The following LRRCC1 variants were observed in gnomAD, a reference collection of about 807,000 sequenced individuals.
The protein encoded by LRRCC1 is leucine-rich repeat and coiled-coil domain-containing protein 1.
Under a neutral mutation model 126.0 loss-of-function variants are expected in LRRCC1, and 115 were observed. The observed-to-expected ratio is 0.91, with a 90% CI of 0.78 to 1.07. The LOEUF (loss-of-function observed/expected upper bound fraction) is 1.07, where lower values mean the gene tolerates loss of function less well. LRRCC1 is among the 50% of genes least tolerant of loss of function. The pLI, the probability that LRRCC1 is intolerant of heterozygous loss-of-function variation, is 0.00. For missense variants in LRRCC1, 1,172 were observed against 1,175.7 expected, an observed-to-expected ratio of 1.00 and a Z score of 0.05; for synonymous variants, 400 against 393.4, an observed-to-expected ratio of 1.02 and a Z score of -0.20.
chr8:85,123,295 C>A, intron 6 of LRRCC1, 118 bp from the exon 7 acceptor site: 1 of 672,164 alleles, frequency 1.5e-6, no homozygotes, highest in African/African-American at 1.9e-5. Flanking sequence ...TAATATCAAA[C>A]ATTTCTAGTT....
intron 17 of LRRCC1, among the ~76,000 whole-genome samples, chr8:85,140,638 C>T (rs145214167): frequency 5.3e-5 from 8 of 152,266 alleles, no homozygotes; most frequent in Non-Finnish European, 1.2e-4. Flanking sequence ...GTCCACTAAG[C>T]ATTACCATAA....
At chr8:85,126,628 T>G in intron 8 of LRRCC1, 61 bp from the exon 9 acceptor site, 2 of 1,423,494 alleles carry the variant, frequency 1.4e-6, no homozygotes, top group Non-Finnish European at 1.9e-6. Context: ...ATGGGAAAAT[T>G]GAGGCTGTGA....
intron 17 of LRRCC1, among the ~76,000 whole-genome samples, chr8:85,140,792 G>T (rs1335160486): frequency 6.6e-6 from 1 of 152,148 alleles, no homozygotes; most frequent in East Asian, 1.9e-4. Context: ...AAGCCAAATG[G>T]TGGCTCACCT....
In LRRCC1 at chr8:85,141,528, T is replaced by G. The variant is rs1243243700; in HGVS notation, c.2976+11T>G. The G allele has an allele frequency of 2.5e-6, 4 of 1,579,734 alleles. No homozygotes were observed. Among genetic ancestry groups the G allele is most frequent in the Admixed American group, 3.5e-5 (2 of 56,818 alleles). ...TCTGCAAATTTAAAGGTATTGTAAGTAAAATTCACTTCAATAATCAGTATA... is the reference window on the plus strand; with the variant it reads ...TCTGCAAATTTAAAGGTATTGTAAGGAAAATTCACTTCAATAATCAGTATA... On this transcript the variant is annotated intron_variant, in intron 18 of 18. Transcript: ENST00000360375.
chr8:85,111,313 G>A (rs1444174096), intron 3 of LRRCC1, among the ~76,000 whole-genome samples: 1 of 152,202 alleles, frequency 6.6e-6, no homozygotes, highest in Non-Finnish European at 1.5e-5. Flanking sequence ...GGAGGCAGAG[G>A]TTGCAGTGAG....
chr8:85,139,835 A>G (rs1811141916), intron 17 of LRRCC1, among the ~76,000 whole-genome samples: 1 of 152,218 alleles, frequency 6.6e-6, no homozygotes, highest in Non-Finnish European at 1.5e-5. Context: ...ATTATGTCAA[A>G]TCTAATGTAA....
chr8:85,118,222 A>G (rs1809267564), intron 6 of LRRCC1, among the ~76,000 whole-genome samples: 1 of 151,980 alleles, frequency 6.6e-6, no homozygotes, highest in Non-Finnish European at 1.5e-5. Context: ...TCTTATTTCT[A>G]TGTAGTATGC....
At chr8:85,144,928 AAGTT>A (rs1016022051) in intron 18 of LRRCC1, among the ~76,000 whole-genome samples, 3 of 149,650 alleles carry the variant, frequency 2.0e-5, no homozygotes, top group African/African-American at 7.3e-5. Flanking sequence ...AAAAATAAAA[AAGTT>A]AGCCGGGCAT....
At chr8:85,130,172 G>C (rs2135971671) in intron 11 of LRRCC1, 114 bp downstream of exon 11, 1 of 758,094 alleles carries the variant, frequency 1.3e-6, no homozygotes. Flanking sequence ...GTCTTGCTCT[G>C]TCGTCCAGGC....
At chr8:85,134,784 C>T in intron 12 of LRRCC1, 63 bp from the exon 13 acceptor site, 4 of 1,084,430 alleles carry the variant, frequency 3.7e-6, no homozygotes, top group South Asian at 1.7e-5. Context: ...ATACTATTTC[C>T]AGAAGCAAAT....
intron 18 of LRRCC1, among the ~76,000 whole-genome samples, chr8:85,143,582 T>TCCCCAGGGATCACAGG (rs1811418953): frequency 6.6e-6 from 1 of 152,052 alleles, no homozygotes; most frequent in African/African-American, 2.4e-5. Context: ...GGGACTATGG[T>TCCCCAGGGATCACAGG]GAGCTGTGAT....
chr8:85,138,283 G>A (rs745452160), intron 16 of LRRCC1, 40 bp downstream of exon 16: 13 of 1,578,776 alleles, frequency 8.2e-6, no homozygotes, highest in Non-Finnish European at 9.5e-6. Context: ...GAAATAAAAT[G>A]TGGCTTAATA....
chr8:85,141,636 A>G (rs1050572978), intron 18 of LRRCC1, 119 bp downstream of exon 18: 9 of 724,344 alleles, frequency 1.2e-5, no homozygotes, highest in Non-Finnish European at 1.1e-5. Flanking sequence ...AAATAGATAT[A>G]AAGAATGTTA....
rs1000758115 is a variant in LRRCC1 at position 85,126,693 on chromosome 8, T to C, written c.1277T>C (p.Leu426Pro). 6.2e-7 allele frequency: 1 copy of C among 1,610,036 alleles called. No homozygotes were observed. The highest frequency in any genetic ancestry group is 1.7e-5 in the Admixed American group (1 of 59,170). ...AACTTTGTTGTTTTCTTTCAGTCCCTTGTTGAACAGCTAGACCAAGAGAGA... is the reference window on the plus strand; with the variant it reads ...AACTTTGTTGTTTTCTTTCAGTCCCCTGTTGAACAGCTAGACCAAGAGAGA... ...SHSEDNTYQS[L>P]VEQLDQEREK... is the part of the protein sequence containing the mutation. The change falls in exon 9 of 19, where the codon CTT (leucine) becomes CCT (proline). Residue 426 changes from leucine (L) to proline (P), a missense_variant. Transcript: ENST00000360375.
At chr8:85,131,429 C>G (rs899709380) in intron 11 of LRRCC1, among the ~76,000 whole-genome samples, 2 of 152,190 alleles carry the variant, frequency 1.3e-5, no homozygotes, top group Non-Finnish European at 2.9e-5. Flanking sequence ...GTATTTATTG[C>G]AAGTCAAAGA....
intron 18 of LRRCC1, among the ~76,000 whole-genome samples, chr8:85,144,397 T>G: frequency 8.9e-6 from 1 of 112,610 alleles, no homozygotes; most frequent in Non-Finnish European, 1.8e-5. Context: ...TAAAATAGAG[T>G]TAAAATGTGT....
chr8:85,145,615 C>G lies in LRRCC1; in HGVS notation c.*104C>G. On this transcript the variant is annotated 3_prime_UTR_variant, in exon 19 of 19. Transcript: ENST00000360375. The stretch of plus-strand genomic sequence containing the variant: ...TGCTATGACTTTGAAATGTCTCTTT[C>G]TATACATTTCATTATGAATATATTT... The G allele has an allele frequency of 4.7e-6, 4 of 851,208 alleles. 1 individual carries two copies. The highest frequency in any genetic ancestry group is 1.7e-6 in the Non-Finnish European group (1 of 575,344). The allele number at this position is 851,208 out of a possible 1,614,324, so 52.7% of individuals were successfully genotyped here.
chr8:85,132,644 C>T (rs578051500), intron 12 of LRRCC1, among the ~76,000 whole-genome samples: 12 of 152,262 alleles, frequency 7.9e-5, no homozygotes, highest in Middle Eastern at 6.8e-3. Context: ...CCGCCTGCCT[C>T]GGCCTCCCAA....
At chr8:85,123,009 T>A (rs538661298) in intron 6 of LRRCC1, among the ~76,000 whole-genome samples, 1 of 152,244 alleles carries the variant, frequency 6.6e-6, no homozygotes, top group South Asian at 2.1e-4. Flanking sequence ...AGAAGTCTGG[T>A]TTTTCCTACC....
Sources: allele counts gnomAD v4.1 joint callset (sites outside exome capture counted in the v4.1 genomes callset), GRCh38; gene constraint gnomAD v4.1.1; transcripts MANE v1.5; gene names NCBI Gene and HGNC (gene_info 2026-07-23, HGNC 2026-07-21).